ZNF763: variants seen among roughly 807,000 people sequenced by gnomAD.
ZNF763 encodes the protein DNA-binding protein.
ZNF763 carries 33 observed loss-of-function variants against 38.0 expected under a neutral mutation model. The ratio of observed to expected loss-of-function variants is 0.87; its 90% confidence interval spans 0.66 to 1.16. ZNF763 has a LOEUF of 1.16. ZNF763 is among the 50% of genes most tolerant of loss of function. The pLI is 0.00. For missense variants in ZNF763, 423 were observed against 469.1 expected (o/e 0.90, Z 0.91); for synonymous variants, 155 against 160.1 (o/e 0.97, Z 0.24).
chr19:11,979,962 A>G lies in ZNF763; in HGVS notation c.*853A>G. On this transcript the variant is annotated 3_prime_UTR_variant, in exon 4 of 4. Coordinates refer to ENST00000358987, the MANE Select transcript of ZNF763 (RefSeq NM_001367172.2). ...TCATTTCAAATACCTGAAAAATCTTACACTGGAGAGAAACCCTATGAGTGT... is the reference window on the plus strand; with the variant it reads ...TCATTTCAAATACCTGAAAAATCTTGCACTGGAGAGAAACCCTATGAGTGT... 1 of 1,229,744 alleles carries G rather than the reference A, an allele frequency of 8.1e-7. No homozygotes were observed. Among genetic ancestry groups the G allele is most frequent in the Non-Finnish European group, 1.2e-6 (1 of 845,350 alleles). 76.2% of individuals were successfully genotyped at this position (1,229,744 alleles called of 1,614,324 possible).
Position 11,978,130 on chromosome 19 carries a change from G to T in ZNF763, c.206G>T (p.Gly69Val), listed in dbSNP as rs770332059. ...PRRNFRSLIE[G>V]NVNEIKEDSH... Reference sequence around the variant, plus strand: ...ACTTTTGACAGGAGTCTCATAGAAGGGAATGTCAATGAAATTAAAGAAGAC... The same window carrying T: ...ACTTTTGACAGGAGTCTCATAGAAGTGAATGTCAATGAAATTAAAGAAGAC... Residue 69 changes from glycine to valine, a missense_variant, in exon 4 of 4, where the codon GGG becomes GTG. Coordinates refer to ENST00000358987, the MANE Select transcript of ZNF763 (RefSeq NM_001367172.2). 10 of 1,612,912 alleles carry T rather than the reference G, an allele frequency of 6.2e-6. No homozygotes were observed. Among genetic ancestry groups the T allele is most frequent in the Non-Finnish European group, 8.5e-6 (10 of 1,179,802 alleles).
At chr19:11,968,942 A>C (rs1385040445) in intron 1 of ZNF763, among the ~76,000 whole-genome samples, 1 of 152,194 alleles carries the variant, frequency 6.6e-6, no homozygotes, top group African/African-American at 2.4e-5. Context: ...ACATTTTACA[A>C]AACACTATAG....
At chr19:11,971,169 GGTT>G (rs1338385424) in intron 1 of ZNF763, among the ~76,000 whole-genome samples, 64 of 152,274 alleles carry the variant, frequency 4.2e-4, no homozygotes, top group Non-Finnish European at 4.3e-4. Flanking sequence ...CAGTTCTTGA[GGTT>G]GTGAAGTCCA....
rs1340258044 is a variant in ZNF763, at chr19:11,979,729, G to A, written c.*620G>A. 5 of 1,597,550 alleles carry A rather than the reference G, an allele frequency of 3.1e-6. No individual in the cohort carries two copies. The highest frequency in any genetic ancestry group is 2.7e-5 in the African/African-American group (2 of 74,030). On this transcript the variant is annotated 3_prime_UTR_variant, in exon 4 of 4. Coordinates refer to ENST00000358987, the MANE Select transcript of ZNF763 (RefSeq NM_001367172.2). The stretch of plus-strand genomic sequence containing the variant: ...AGCCCTACGAGTGTAAGCAATGTGG[G>A]AAAGCCTTCAGATCTGCCCCACACC...
chr19:11,966,025 G>GA (rs1973221711), intron 1 of ZNF763, among the ~76,000 whole-genome samples: 1 of 152,150 alleles, frequency 6.6e-6, no homozygotes, highest in Non-Finnish European at 1.5e-5. Flanking sequence ...AATGCTGAAG[G>GA]AAGGGGGTCT....
chr19:11,978,135 G>T lies in ZNF763; in HGVS notation c.211G>T (p.Val71Phe). The change falls in exon 4 of 4, where the codon GTC becomes TTC. Residue 71 changes from valine (V) to phenylalanine (F), a missense_variant. Transcript: ENST00000358987. Reference protein sequence around the residue: ...RNFRSLIEGNVNEIKEDSHCG... With the variant: ...RNFRSLIEGNFNEIKEDSHCG... ...TGACAGGAGTCTCATAGAAGGGAATGTCAATGAAATTAAAGAAGACAGTCA... is the reference window on the plus strand; with the variant it reads ...TGACAGGAGTCTCATAGAAGGGAATTTCAATGAAATTAAAGAAGACAGTCA... 6.2e-7 allele frequency: 1 copy of T among 1,613,180 alleles called. No homozygotes were observed. The highest frequency in any genetic ancestry group is 8.5e-7 in the Non-Finnish European group (1 of 1,179,854).
chr19:11,965,345 G>A, intron 1 of ZNF763, 134 bp downstream of exon 1: 1 of 1,279,200 alleles, frequency 7.8e-7, no homozygotes, highest in Non-Finnish European at 1.1e-6. Context: ...GGAGCTGCTC[G>A]GCCCTCGGTC....
chr19:11,974,135 T>TTTCTTTCTTTCC (rs1568308546), intron 1 of ZNF763, among the ~76,000 whole-genome samples: 3 of 102,580 alleles, frequency 2.9e-5, no homozygotes, highest in Non-Finnish European at 5.2e-5. Context: ...CTTTTCTTTC[T>TTTCTTTCTTTCC]TTCTTTCTTT....
Position 11,979,686 on chromosome 19 carries a change from G to A in ZNF763, c.*577G>A. ...GCCTCAATCCTTCAAATGCATGCTG[G>A]GACTCACCCTGAAGAGAAGCCCTAC... is the stretch of plus-strand genomic sequence containing the variant. On this transcript the variant is annotated 3_prime_UTR_variant, in exon 4 of 4. Transcript: ENST00000358987. The A allele has an allele frequency of 6.2e-7, 1 of 1,601,518 alleles. No individual in the cohort carries two copies. The highest frequency in any genetic ancestry group is 1.1e-5 in the South Asian group (1 of 90,814).
chr19:11,977,077 C>T lies in ZNF763; in HGVS notation c.43C>T (p.Gln15Ter). The T allele has an allele frequency of 1.2e-6, 2 of 1,614,144 alleles. No individual in the cohort carries two copies. ...TGAGGATGTTGCTGTGAACTTCACCCAGGAGGAGTGGGCTTTGCTGGATAT... is the reference window on the plus strand; with the variant it reads ...TGAGGATGTTGCTGTGAACTTCACCTAGGAGGAGTGGGCTTTGCTGGATAT... ...ACEDVAVNFT[Q>*]EEWALLDISQ... The change falls in exon 2 of 4, where the codon CAG becomes TAG. Residue 15 changes from glutamine (Q) to a stop codon, truncating the protein, a stop_gained. Coordinates refer to ENST00000358987, the MANE Select transcript of ZNF763 (RefSeq NM_001367172.2). LOFTEE classifies it high-confidence loss of function.
chr19:11,967,668 G>T (rs1416615984), intron 1 of ZNF763, among the ~76,000 whole-genome samples: 1 of 152,112 alleles, frequency 6.6e-6, no homozygotes, highest in Non-Finnish European at 1.5e-5. Flanking sequence ...CTCCCAAAGT[G>T]CTGGGATTAC....
At chr19:11,969,994 G>A (rs545554468) in intron 1 of ZNF763, among the ~76,000 whole-genome samples, 7 of 152,328 alleles carry the variant, frequency 4.6e-5, no homozygotes, top group Non-Finnish European at 8.8e-5. Flanking sequence ...CTCCTGGAGG[G>A]TCTCATGGGT....
chr19:11,976,357 A>G (rs1375664756), intron 1 of ZNF763, among the ~76,000 whole-genome samples: 1 of 151,438 alleles, frequency 6.6e-6, no homozygotes, highest in African/African-American at 2.4e-5. Flanking sequence ...TTCCCAACCC[A>G]CTGTGGCTTT....
At position 11,979,862 on chromosome 19, in the gene ZNF763, A is replaced by G; in HGVS notation, c.*753A>G. On this transcript the variant is annotated 3_prime_UTR_variant, in exon 4 of 4. Coordinates refer to ENST00000358987, the MANE Select transcript of ZNF763 (RefSeq NM_001367172.2). ...CCTTCGAATTCATGAAAGGACACAA[A>G]CACACGTAAGAATGCACTCTGTAGA... 1.3e-6 allele frequency: 2 copies of G among 1,495,438 alleles called. No homozygotes were observed. Among genetic ancestry groups the G allele is most frequent in the Non-Finnish European group, 9.3e-7 (1 of 1,075,650 alleles). 92.6% of individuals were successfully genotyped at this position (1,495,438 alleles called of 1,614,324 possible). A position where few individuals can be genotyped will look rare whatever the true frequency, so the allele number is the denominator to read the frequency against.
chr19:11,968,520 A>T (rs1973285497), intron 1 of ZNF763, among the ~76,000 whole-genome samples: 1 of 152,200 alleles, frequency 6.6e-6, no homozygotes, highest in South Asian at 2.1e-4. Context: ...GGGATTATAG[A>T]CATGAGCAAA....
At chr19:11,965,268 G>A (rs1035631914) in intron 1 of ZNF763, 57 bp downstream of exon 1, 2 of 1,611,542 alleles carry the variant, frequency 1.2e-6, no homozygotes, top group African/African-American at 1.3e-5. Flanking sequence ...GGAACCGGCC[G>A]GAACCGGCTG....
In ZNF763 at chr19:11,965,056, C is replaced by G; in HGVS notation, c.-153C>G. The stretch of plus-strand genomic sequence containing the variant: ...GTCGCATTCCTGTCCTCACCTTTGT[C>G]CTTGCGCAGCCGGTGGTTGATATCC... On this transcript the variant is annotated 5_prime_UTR_variant, in exon 1 of 4. Transcript: ENST00000358987. The G allele has an allele frequency of 1.1e-6, 1 of 937,510 alleles. No individual in the cohort carries two copies. Among genetic ancestry groups the G allele is most frequent in the Non-Finnish European group, 1.7e-6 (1 of 602,254 alleles). 58.1% of individuals were successfully genotyped at this position (937,510 alleles called of 1,614,324 possible).
In ZNF763 at chr19:11,977,055, G is replaced by T. The variant is rs200043321; in HGVS notation, c.21G>T (p.Glu7Asp). The T allele has an allele frequency of 8.7e-6, 14 of 1,614,176 alleles. No individual in the cohort carries two copies. The African/African-American group carries it at 1.1e-4, about 12-fold the overall frequency. The change falls in exon 2 of 4, where the codon GAG (glutamate) becomes GAT (aspartate). Residue 7 changes from glutamate to aspartate, a missense_variant. Transcript: ENST00000358987. ...TGTTTCAGGACCCTGTGGCCTGTGA[G>T]GATGTTGCTGTGAACTTCACCCAGG... MDPVACEDVAVNFTQEE... is the reference protein window; with the variant it reads MDPVACDDVAVNFTQEE...
chr19:11,976,127 G>C (rs1474129312), intron 1 of ZNF763, among the ~76,000 whole-genome samples: 2 of 148,414 alleles, frequency 1.3e-5, no homozygotes, highest in African/African-American at 5.0e-5. Flanking sequence ...CTGCTCTTGG[G>C]TAGCTATCTG....
Sources: allele counts gnomAD v4.1 joint callset (sites outside exome capture counted in the v4.1 genomes callset), GRCh38; gene constraint gnomAD v4.1.1; transcripts MANE v1.5; gene names NCBI Gene and HGNC (gene_info 2026-07-23, HGNC 2026-07-21).